Variants in IL1RAPL2 observed in about 807,000 individuals in gnomAD.
The protein encoded by IL1RAPL2 is X-linked interleukin-1 receptor accessory protein-like 2.
IL1RAPL2 carries 3 observed loss-of-function variants against 44.1 expected under a neutral mutation model. That is an observed-to-expected ratio of 0.07 (90% confidence interval 0.03 to 0.18). The LOEUF is 0.18. Ranked by LOEUF, IL1RAPL2 falls within the 10% of genes least tolerant of loss-of-function variation. The probability of loss-of-function intolerance (pLI) is 1.00; values close to 1 mark genes in which losing one functional copy is unlikely to be tolerated. For synonymous variants in IL1RAPL2, 181 were observed against 178.8 expected (o/e 1.01, Z -0.10); for missense variants, 391 against 496.4 (o/e 0.79, Z 2.02).
chrX:104,797,289 C>T (rs1220743744), intron 2 of IL1RAPL2, among the ~76,000 whole-genome samples: 1 of 101,488 alleles, frequency 9.9e-6, no homozygotes, highest in African/African-American at 3.7e-5. Flanking sequence ...ATTTAATCTA[C>T]GTGACAAAGG....
intron 2 of IL1RAPL2, among the ~76,000 whole-genome samples, chrX:104,835,741 G>A (rs901245849): frequency 8.9e-6 from 1 of 112,167 alleles, no homozygotes; most frequent in Admixed American, 9.5e-5. Context: ...TCCCTCACCT[G>A]TCCCAGTTGA....
intron 6 of IL1RAPL2, among the ~76,000 whole-genome samples, chrX:105,541,745 C>T (rs2036737452): frequency 9.0e-6 from 1 of 110,731 alleles, no homozygotes; most frequent in Non-Finnish European, 1.9e-5. Context: ...TCTTTTCTTT[C>T]CCTTCCCTTC....
At chrX:105,198,939 G>A (rs1351278680) in intron 3 of IL1RAPL2, among the ~76,000 whole-genome samples, 2 of 111,752 alleles carry the variant, frequency 1.8e-5, no homozygotes, top group Non-Finnish European at 3.8e-5. Context: ...TGTTGATGTT[G>A]ACTTTGATCA....
chrX:105,486,765 T>C (rs769591415), intron 6 of IL1RAPL2, among the ~76,000 whole-genome samples: 3 of 110,373 alleles, frequency 2.7e-5, no homozygotes, highest in East Asian at 5.7e-4. Context: ...TATCTATCTA[T>C]CTATATGTAG....
intron 1 of IL1RAPL2, among the ~76,000 whole-genome samples, chrX:104,626,525 C>T (rs1265142099): frequency 9.0e-6 from 1 of 110,721 alleles, no homozygotes; most frequent in Non-Finnish European, 1.9e-5. Context: ...CATTGATGGT[C>T]ACCAAGTAGT....
chrX:105,361,569 T>A (rs1161707136), intron 5 of IL1RAPL2, among the ~76,000 whole-genome samples: 15 of 111,309 alleles, frequency 1.3e-4, no homozygotes, highest in Non-Finnish European at 7.6e-5. Flanking sequence ...GTCTAAACTG[T>A]ATGTCGTAGT....
intron 1 of IL1RAPL2, among the ~76,000 whole-genome samples, chrX:104,589,281 G>A (rs1054904762): frequency 8.9e-6 from 1 of 112,353 alleles, no homozygotes; most frequent in African/African-American, 3.2e-5. Flanking sequence ...GCCAGTCCAA[G>A]TCCCAAAGCT....
chrX:105,495,915 A>C (rs2036353643), intron 6 of IL1RAPL2, among the ~76,000 whole-genome samples: 1 of 111,613 alleles, frequency 9.0e-6, no homozygotes, highest in Admixed American at 9.5e-5. Flanking sequence ...AGGACTGGAC[A>C]TGTTTCATTA....
intron 2 of IL1RAPL2, among the ~76,000 whole-genome samples, chrX:104,971,828 G>C: frequency 9.0e-6 from 1 of 111,137 alleles, no homozygotes; most frequent in Non-Finnish European, 1.9e-5. Flanking sequence ...TCAGTCTTAG[G>C]GGGTTATAGG....
At chrX:104,632,716 T>G (rs1475285139) in intron 1 of IL1RAPL2, among the ~76,000 whole-genome samples, 1 of 108,747 alleles carries the variant, frequency 9.2e-6, no homozygotes, top group Non-Finnish European at 1.9e-5. Context: ...TTGCTGAAGT[T>G]GCCTATCAGC....
At chrX:105,452,294 C>T (rs1435122032) in intron 5 of IL1RAPL2, among the ~76,000 whole-genome samples, 1 of 111,368 alleles carries the variant, frequency 9.0e-6, no homozygotes, top group Non-Finnish European at 1.9e-5. Flanking sequence ...TCTTTTTTAA[C>T]TTCTTTTTTT....
chrX:104,979,956 T>G lies in IL1RAPL2; in HGVS notation c.83-215519T>G, dbSNP rs532383198. 1.4e-3 allele frequency among the ~76,000 whole-genome samples: 158 copies of G among 111,763 alleles called. 1 individual carries two copies. Among genetic ancestry groups the G allele is most frequent in the African/African-American group, 4.7e-3 (146 of 30,841 alleles). The stretch of plus-strand genomic sequence containing the variant: ...CAATAAAGAATTATCTGACCAAAAA[T>G]GTAAATTGTGCCAATGGTGAGAAAT... On this transcript the variant is annotated intron_variant, in intron 2 of 10. Coordinates refer to ENST00000372582, the MANE Select transcript of IL1RAPL2 (RefSeq NM_017416.2).
intron 5 of IL1RAPL2, among the ~76,000 whole-genome samples, chrX:105,385,803 G>A (rs1163298980): frequency 9.0e-6 from 1 of 110,936 alleles, no homozygotes; most frequent in Non-Finnish European, 1.9e-5. Flanking sequence ...TGAAATATGG[G>A]ACTGAACTCA....
intron 2 of IL1RAPL2, among the ~76,000 whole-genome samples, chrX:105,111,352 A>G (rs2032799883): frequency 8.9e-6 from 1 of 111,854 alleles, no homozygotes; most frequent in African/African-American, 3.2e-5. Context: ...AGTCTAGGGT[A>G]CAGTGGCCTC....
intron 3 of IL1RAPL2, among the ~76,000 whole-genome samples, chrX:105,231,330 A>G (rs1036714744): frequency 8.9e-6 from 1 of 111,889 alleles, no homozygotes; most frequent in African/African-American, 3.2e-5. Context: ...TCTTCCTCCT[A>G]GTGGCTATCC....
At chrX:105,640,231 G>GA (rs946764692) in intron 6 of IL1RAPL2, among the ~76,000 whole-genome samples, 15 of 107,254 alleles carry the variant, frequency 1.4e-4, no homozygotes, top group East Asian at 8.9e-4. Context: ...CAATTCACTT[G>GA]AAAAAAAAAT....
chrX:105,353,692 C>A (rs2035176642), intron 5 of IL1RAPL2, among the ~76,000 whole-genome samples: 1 of 111,276 alleles, frequency 9.0e-6, no homozygotes. Flanking sequence ...CTCTTTGAAG[C>A]AATTGTGAAT....
rs1928524406 is a variant in IL1RAPL2, at chrX:104,585,345, A to ATATAT, written c.-20+18295_-20+18299dup. On this transcript the variant is annotated intron_variant, in intron 1 of 10. Transcript: ENST00000372582. ...TTATATATAATATATATTATATATT[A>ATATAT]TATATATTATATATATTATATATAT... Among the ~76,000 whole-genome samples the ATATAT allele has an allele frequency of 1.1e-3, 13 of 11,976 alleles. 1 individual carries two copies. Among genetic ancestry groups the ATATAT allele is most frequent in the African/African-American group, 0.01 (11 of 1,099 alleles). 10.4% of individuals were successfully genotyped at this position (11,976 alleles called of 115,157 possible). A position where few individuals can be genotyped will look rare whatever the true frequency, so the allele number is the denominator to read the frequency against.
chrX:105,522,741 G>C (rs1008639066), intron 6 of IL1RAPL2, among the ~76,000 whole-genome samples: 1 of 111,981 alleles, frequency 8.9e-6, no homozygotes, highest in African/African-American at 3.2e-5. Context: ...TTTATTTCTA[G>C]TGTGAAGGCA....
Sources: allele counts gnomAD v4.1 joint callset (sites outside exome capture counted in the v4.1 genomes callset), GRCh38; gene constraint gnomAD v4.1.1; transcripts MANE v1.5; gene names NCBI Gene and HGNC (gene_info 2026-07-23, HGNC 2026-07-21).